The following MAP6 variants were observed in gnomAD, a reference collection of about 807,000 sequenced individuals.
MAP6 encodes the protein microtubule-associated protein 6.
Under a neutral mutation model 42.4 loss-of-function variants are expected in MAP6, and 26 were observed. That is an observed-to-expected ratio of 0.61 (90% CI 0.45 to 0.85). The LOEUF is 0.85. MAP6 is among the 40% of genes least tolerant of loss of function. MAP6 has a pLI of 0.00. For missense variants in MAP6, 966 were observed against 1,099.0 expected (o/e 0.88, Z 1.71); for synonymous variants, 418 against 443.8 (o/e 0.94, Z 0.73).
chr11:75,616,363 T>G (rs1942993980), intron 1 of MAP6, among the ~76,000 whole-genome samples: 1 of 152,232 alleles, frequency 6.6e-6, no homozygotes. Flanking sequence ...AAGAAGACAG[T>G]GCTTTTAAGT....
At chr11:75,649,627 C>T (rs755578120) in intron 1 of MAP6, among the ~76,000 whole-genome samples, 3 of 152,052 alleles carry the variant, frequency 2.0e-5, no homozygotes, top group Non-Finnish European at 2.9e-5. Context: ...CAACCTCTGC[C>T]GCCCACGTTC....
intron 1 of MAP6, among the ~76,000 whole-genome samples, chr11:75,664,833 T>C (rs1033522762): frequency 6.6e-6 from 1 of 152,218 alleles, no homozygotes; most frequent in Non-Finnish European, 1.5e-5. Context: ...TATTTCTTTA[T>C]ATCTACTTTC....
intron 1 of MAP6, among the ~76,000 whole-genome samples, chr11:75,620,191 T>C (rs1275241278): frequency 6.6e-6 from 1 of 152,146 alleles, no homozygotes; most frequent in Non-Finnish European, 1.5e-5. Context: ...AAAAAGAGGC[T>C]GGGCATGGTG....
At chr11:75,623,774 A>G (rs1043325864) in intron 1 of MAP6, among the ~76,000 whole-genome samples, 1 of 152,170 alleles carries the variant, frequency 6.6e-6, no homozygotes, top group Non-Finnish European at 1.5e-5. Context: ...CAGTGGCGCT[A>G]TCTCGGCTCA....
At chr11:75,611,048 C>T (rs150426473) in intron 1 of MAP6, among the ~76,000 whole-genome samples, 1 of 152,144 alleles carries the variant, frequency 6.6e-6, no homozygotes, top group Admixed American at 6.5e-5. Context: ...ACTTCTGAAC[C>T]ATTTTGGCCC....
chr11:75,668,600 A>C lies in MAP6; in HGVS notation c.-231T>G, dbSNP rs943556932. 2.9e-5 allele frequency: 12 copies of C among 414,370 alleles called. No individual in the cohort carries two copies. Among genetic ancestry groups the C allele is most frequent in the Admixed American group, 4.7e-5 (1 of 21,106 alleles). 25.7% of individuals were successfully genotyped at this position (414,370 alleles called of 1,614,324 possible). ...CGGTCGCAAACGCCTTTGGGAGCGC[A>C]GTCTGCTGCGAGCGCCGAAGGGTGA... On this transcript the variant is annotated 5_prime_UTR_variant, in exon 1 of 4. Coordinates refer to ENST00000304771, the MANE Select transcript of MAP6 (RefSeq NM_033063.2).
At position 75,668,873 on chromosome 11, in the gene MAP6, C is replaced by T. The variant is rs1220998727; in HGVS notation, c.-504G>A. On this transcript the variant is annotated 5_prime_UTR_variant, in exon 1 of 4. Coordinates refer to ENST00000304771, the MANE Select transcript of MAP6 (RefSeq NM_033063.2). ...AGGGCTGGGAGGCCATCACCTCCAG[C>T]GGAGACCGAGCATTGCTGCCTCCGC... The T allele has an allele frequency of 3.0e-5, 5 of 166,140 alleles. No individual in the cohort carries two copies. The South Asian group carries it at 3.6e-4, about 12-fold the overall frequency. The allele number at this position is 166,140 out of a possible 1,614,324, so 10.3% of individuals were successfully genotyped here.
At chr11:75,664,432 G>A (rs982838563) in intron 1 of MAP6, among the ~76,000 whole-genome samples, 5 of 152,254 alleles carry the variant, frequency 3.3e-5, no homozygotes, top group Non-Finnish European at 7.3e-5. Context: ...AATTTTGAAT[G>A]TATATTTTAC....
At chr11:75,648,944 T>G (rs1943605268) in intron 1 of MAP6, among the ~76,000 whole-genome samples, 1 of 152,232 alleles carries the variant, frequency 6.6e-6, no homozygotes, top group Non-Finnish European at 1.5e-5. Context: ...GGGGGTACTT[T>G]TATATACTAT....
intron 1 of MAP6, among the ~76,000 whole-genome samples, chr11:75,627,173 AAC>A (rs1943212045): frequency 6.6e-6 from 1 of 152,226 alleles, no homozygotes; most frequent in African/African-American, 2.4e-5. Flanking sequence ...GTAATCATTC[AAC>A]ACAGACACTC....
chr11:75,600,590 T>C (rs1017611913), intron 3 of MAP6, among the ~76,000 whole-genome samples: 1 of 152,186 alleles, frequency 6.6e-6, no homozygotes, highest in Non-Finnish European at 1.5e-5. Flanking sequence ...TTGGCTGCCC[T>C]AGCCGCTTTC....
At chr11:75,646,593 T>C (rs1590800239) in intron 1 of MAP6, among the ~76,000 whole-genome samples, 1 of 149,184 alleles carries the variant, frequency 6.7e-6, no homozygotes, top group Non-Finnish European at 1.5e-5. Flanking sequence ...TCACCTGAGG[T>C]TGGGAGTTCG....
intron 1 of MAP6, among the ~76,000 whole-genome samples, chr11:75,656,721 G>C (rs1943755122): frequency 6.6e-6 from 1 of 152,126 alleles, no homozygotes; most frequent in African/African-American, 2.4e-5. Flanking sequence ...ATGTTGTCCT[G>C]ATCTTCTTTT....
Position 75,595,183 on chromosome 11 carries a change from C to G in MAP6, c.1317-6999G>C, listed in dbSNP as rs1472277047. ...GGGCTGCACATGCCCGGTGAGGCAG[C>G]CTCCTCCTCAGTGGCCACTGGTTAG... On this transcript the variant is annotated intron_variant, in intron 3 of 3. Coordinates refer to ENST00000304771, the MANE Select transcript of MAP6 (RefSeq NM_033063.2). Among the ~76,000 whole-genome samples the G allele has an allele frequency of 2.0e-5, 3 of 152,210 alleles. No homozygotes were observed. In the East Asian group the frequency reaches 5.8e-4, roughly 29 times the overall value.
chr11:75,668,675 T>G lies in MAP6; in HGVS notation c.-306A>C. 4.5e-6 allele frequency: 1 copy of G among 220,372 alleles called. No homozygotes were observed. The allele number at this position is 220,372 out of a possible 1,614,324, so 13.7% of individuals were successfully genotyped here. On this transcript the variant is annotated 5_prime_UTR_variant, in exon 1 of 4. Coordinates refer to ENST00000304771, the MANE Select transcript of MAP6 (RefSeq NM_033063.2). ...GGCGAGGGTGTCTGGGACGCGCCCCTCCCTGCGGCTGCGGCGGCGCACAGA... is the reference window on the plus strand; with the variant it reads ...GGCGAGGGTGTCTGGGACGCGCCCCGCCCTGCGGCTGCGGCGGCGCACAGA...
At position 75,588,363 on chromosome 11, in the gene MAP6, G is replaced by T. The variant is rs116522410; in HGVS notation, c.1317-179C>A. ...CAGAATGTGGGCGGGGGTGAGGGAG[G>T]GGGGTGAGGTGAAGGCTCAGGAATC... is the stretch of plus-strand genomic sequence containing the variant. On this transcript the variant is annotated intron_variant, in intron 3 of 3. Transcript: ENST00000304771. Among the ~76,000 whole-genome samples, 4 of 152,002 alleles carry T rather than the reference G, an allele frequency of 2.6e-5. No homozygotes were observed. In the East Asian group the frequency reaches 5.8e-4, roughly 22 times the overall value.
chr11:75,650,713 A>G (rs1849693011), intron 1 of MAP6, among the ~76,000 whole-genome samples: 2 of 152,178 alleles, frequency 1.3e-5, no homozygotes, highest in African/African-American at 2.4e-5. Flanking sequence ...TATTTTCTGA[A>G]GGAGGAAATT....
At position 75,668,047 on chromosome 11, in the gene MAP6, A is replaced by AGGCCCG. The variant is rs1372112946; in HGVS notation, c.317_322dup (p.Pro106_Gly107dup). On this transcript the variant is annotated inframe_insertion, in exon 1 of 4. Transcript: ENST00000304771. ...GGGGCCGGAGGTGGAGCCGGAGCCC[A>AGGCCCG]GGCCCGGGCCCGGCCCGCTCCGGCC... 19 of 1,227,470 alleles carry AGGCCCG rather than the reference A, an allele frequency of 1.5e-5. No homozygotes were observed. The highest frequency in any genetic ancestry group is 4.3e-5 in the Admixed American group (1 of 23,192). The allele number at this position is 1,227,470 out of a possible 1,614,324, so 76.0% of individuals were successfully genotyped here.
chr11:75,646,722 C>T (rs1943559971), intron 1 of MAP6, among the ~76,000 whole-genome samples: 1 of 151,870 alleles, frequency 6.6e-6, no homozygotes, highest in Non-Finnish European at 1.5e-5. Flanking sequence ...ATCACTTGAA[C>T]CCAGGAAGTG....
Sources: gnomAD v4.1 joint callset for allele counts (sites outside exome capture counted in the v4.1 genomes callset) on GRCh38, gnomAD v4.1.1 for gene constraint, MANE v1.5 for transcripts, NCBI Gene and HGNC (gene_info 2026-07-23, HGNC 2026-07-21) for gene names.